Variants in TNIK observed in about 807,000 individuals in gnomAD.
TNIK encodes TRAF2 and NCK interacting kinase, also known as TRAF2 and NCK-interacting protein kinase.
Under a neutral mutation model 191.3 loss-of-function variants are expected in TNIK, and 49 were observed. That is an observed-to-expected ratio of 0.26 (90% CI 0.20 to 0.32). TNIK has a LOEUF of 0.32. Among genes scored for constraint, TNIK ranks in the 10% least tolerant of loss-of-function variants. The pLI is 1.00. For missense variants in TNIK, 1,155 were observed against 1,702.3 expected (o/e 0.68, Z 5.66); for synonymous variants, 594 against 600.9 (o/e 0.99, Z 0.17).
chr3:171,349,246 C>T (rs1387540300), intron 2 of TNIK, among the ~76,000 whole-genome samples: 1 of 152,108 alleles, frequency 6.6e-6, no homozygotes. Flanking sequence ...GGTCTGAGTG[C>T]TTATTTATAT....
chr3:171,079,394 A>C, intron 28 of TNIK, 124 bp downstream of exon 28: 7 of 1,138,014 alleles, frequency 6.2e-6, no homozygotes, highest in Non-Finnish European at 8.3e-6. Context: ...TGAAGGTTCC[A>C]GCAACATCTG....
At chr3:171,342,966 A>G (rs1235392044) in intron 2 of TNIK, among the ~76,000 whole-genome samples, 1 of 152,200 alleles carries the variant, frequency 6.6e-6, no homozygotes, top group Non-Finnish European at 1.5e-5. Context: ...CTTGCCTGCC[A>G]CCATGTAAGA....
chr3:171,237,292 A>G (rs1247262167), intron 2 of TNIK, among the ~76,000 whole-genome samples: 1 of 152,208 alleles, frequency 6.6e-6, no homozygotes, highest in Non-Finnish European at 1.5e-5. Context: ...CAGCAGGGAA[A>G]AGACTGGAAT....
chr3:171,107,571 A>C (rs1725107213), intron 20 of TNIK, among the ~76,000 whole-genome samples: 2 of 152,208 alleles, frequency 1.3e-5, no homozygotes, highest in Admixed American at 1.3e-4. Context: ...TACAGCAGTG[A>C]AGCTGGATGC....
At chr3:171,419,375 G>T (rs1457252257) in intron 1 of TNIK, among the ~76,000 whole-genome samples, 1 of 152,158 alleles carries the variant, frequency 6.6e-6, no homozygotes, top group Non-Finnish European at 1.5e-5. Flanking sequence ...AGGAAATGTG[G>T]AATGATGTTT....
At chr3:171,106,779 A>G (rs1560120059) in intron 21 of TNIK, 1 of 533,368 alleles carries the variant, frequency 1.9e-6, no homozygotes, top group African/African-American at 1.9e-5. Flanking sequence ...CTTGTTCACA[A>G]ATCACACACT....
chr3:171,449,959 C>T (rs2108725135), intron 1 of TNIK, among the ~76,000 whole-genome samples: 1 of 151,432 alleles, frequency 6.6e-6, no homozygotes, highest in African/African-American at 2.4e-5. Context: ...TTGCTTGAAC[C>T]CAGGAGACGG....
intron 18 of TNIK, among the ~76,000 whole-genome samples, chr3:171,116,654 G>T (rs1181090624): frequency 5.9e-5 from 9 of 152,314 alleles, no homozygotes; most frequent in African/African-American, 2.2e-4. Flanking sequence ...ATGGGACAGA[G>T]AATTATTTTT....
chr3:171,134,250 A>C (rs1212466235), intron 15 of TNIK, among the ~76,000 whole-genome samples: 1 of 152,208 alleles, frequency 6.6e-6, no homozygotes, highest in Non-Finnish European at 1.5e-5. Flanking sequence ...AATGGCAGAT[A>C]ATTTGAAAGC....
At chr3:171,124,840 A>G (rs1328143266) in intron 17 of TNIK, among the ~76,000 whole-genome samples, 1 of 152,186 alleles carries the variant, frequency 6.6e-6, no homozygotes, top group African/African-American at 2.4e-5. Context: ...GTATTTTTAG[A>G]GAGTGGACCA....
intron 21 of TNIK, among the ~76,000 whole-genome samples, chr3:171,106,436 C>T (rs73037388): frequency 0.053 from 8,078 of 152,178 alleles, 686 homozygotes; most frequent in African/African-American, 0.18. Flanking sequence ...TTAAATTTCA[C>T]AAAAGTAGTG....
chr3:171,090,427 C>CTT (rs375076101), intron 23 of TNIK, among the ~76,000 whole-genome samples: 2,532 of 140,336 alleles, frequency 0.018, 83 homozygotes, highest in African/African-American at 0.064. Flanking sequence ...TTCTTTCTTT[C>CTT]TTTTTTTTTT....
chr3:171,367,466 AT>A (rs1167700124), intron 2 of TNIK, among the ~76,000 whole-genome samples: 4 of 5,468 alleles, frequency 7.3e-4, no homozygotes, highest in African/African-American at 3.5e-3. Context: ...GCCCCATAGC[AT>A]TTTTTTGGGG....
chr3:171,429,478 T>G, intron 1 of TNIK, among the ~76,000 whole-genome samples: 1 of 152,234 alleles, frequency 6.6e-6, no homozygotes, highest in Non-Finnish European at 1.5e-5. Context: ...TATTTTCCTT[T>G]TAAATATGTT....
intron 12 of TNIK, among the ~76,000 whole-genome samples, chr3:171,146,480 AG>A (rs1287047695): frequency 1.3e-5 from 2 of 152,144 alleles, no homozygotes; most frequent in Non-Finnish European, 2.9e-5. Context: ...ATTGGGATAG[AG>A]GGGTAGGCAA....
intron 2 of TNIK, among the ~76,000 whole-genome samples, chr3:171,355,665 T>C (rs1713932897): frequency 6.6e-6 from 1 of 152,230 alleles, no homozygotes; most frequent in Non-Finnish European, 1.5e-5. Context: ...GAGGCATCTC[T>C]AGCATTCCTG....
chr3:171,220,241 G>A (rs1032210201), intron 3 of TNIK, among the ~76,000 whole-genome samples: 10 of 152,214 alleles, frequency 6.6e-5, no homozygotes, highest in East Asian at 5.8e-4. Flanking sequence ...GGGGCCTGTC[G>A]TGGGGTGGCG....
intron 4 of TNIK, among the ~76,000 whole-genome samples, chr3:171,203,808 C>T (rs909233132): frequency 7.2e-5 from 11 of 152,174 alleles, no homozygotes; most frequent in Non-Finnish European, 1.6e-4. Flanking sequence ...GTCCTTAAAA[C>T]GCACACGGTA....
intron 1 of TNIK, among the ~76,000 whole-genome samples, chr3:171,376,754 A>AGATAGATAGATAGATAGATAGATAGAT (rs1717296677): frequency 4.3e-5 from 6 of 141,124 alleles, no homozygotes; most frequent in African/African-American, 1.5e-4. Flanking sequence ...GATGATAGAT[A>AGATAGATAGATAGATAGATAGATAGAT]GATAGATAGA....
Sources: allele counts gnomAD v4.1 joint callset (sites outside exome capture counted in the v4.1 genomes callset), GRCh38; gene constraint gnomAD v4.1.1; transcripts MANE v1.5; gene names NCBI Gene and HGNC (gene_info 2026-07-23, HGNC 2026-07-21).